The following HADHB variants were observed in gnomAD, a reference collection of about 807,000 sequenced individuals.
HADHB encodes trifunctional enzyme subunit beta, mitochondrial.
In HADHB, 50 loss-of-function variants were observed where a neutral mutation model predicts 61.9. The observed-to-expected ratio is 0.81, with a 90% CI of 0.64 to 1.02. HADHB has a LOEUF of 1.02. Among genes scored for constraint, HADHB ranks in the 50% least tolerant of loss-of-function variants. HADHB has a pLI of 0.00. For synonymous variants in HADHB, 191 were observed against 201.6 expected, an observed-to-expected ratio of 0.95 and a Z score of 0.45; for missense variants, 504 against 586.5, an observed-to-expected ratio of 0.86 and a Z score of 1.45.
At chr2:26,289,387 CA>C (rs1448604915) in intron 15 of HADHB, among the ~76,000 whole-genome samples, 1 of 152,204 alleles carries the variant, frequency 6.6e-6, no homozygotes, top group African/African-American at 2.4e-5. Context: ...GACCTGGTTT[CA>C]AATCCTGGCC....
At chr2:26,248,284 T>C (rs937807424) in intron 1 of HADHB, among the ~76,000 whole-genome samples, 3 of 152,238 alleles carry the variant, frequency 2.0e-5, no homozygotes, top group Middle Eastern at 6.3e-3. Context: ...ATGGTGTGTT[T>C]ATACTATAAC....
intron 3 of HADHB, among the ~76,000 whole-genome samples, chr2:26,260,006 C>T (rs1389302654): frequency 6.6e-6 from 1 of 151,080 alleles, no homozygotes; most frequent in Non-Finnish European, 1.5e-5. Context: ...GTAAAACAAG[C>T]TATTTGTTAG....
At chr2:26,261,742 T>G (rs1425532694) in intron 3 of HADHB, 3 of 151,966 alleles carry the variant, frequency 2.0e-5, no homozygotes, top group African/African-American at 7.3e-5. Flanking sequence ...GCCACAGCAC[T>G]CCAGCCTTGG....
chr2:26,277,233 CTTTTT>C (rs34696184), intron 7 of HADHB, 73 bp downstream of exon 7: 1,272 of 436,904 alleles, frequency 2.9e-3, no homozygotes, highest in Middle Eastern at 4.2e-3. Flanking sequence ...TAAAAATGTA[CTTTTT>C]TTTTTTTTTT....
intron 3 of HADHB, among the ~76,000 whole-genome samples, chr2:26,262,128 C>T (rs1397579582): frequency 1.3e-5 from 2 of 152,110 alleles, no homozygotes; most frequent in Non-Finnish European, 2.9e-5. Flanking sequence ...ACTAATATTT[C>T]TTTAAAGTTG....
chr2:26,266,705 C>A (rs968694791), intron 4 of HADHB, among the ~76,000 whole-genome samples: 1 of 150,918 alleles, frequency 6.6e-6, no homozygotes, highest in East Asian at 1.9e-4. Context: ...CATGGCGAGA[C>A]CCTATCTCTA....
At chr2:26,256,714 A>G (rs535882219) in intron 3 of HADHB, among the ~76,000 whole-genome samples, 1 of 152,148 alleles carries the variant, frequency 6.6e-6, no homozygotes. Flanking sequence ...AATATTTGCA[A>G]ATAAGAAAAT....
At chr2:26,273,589 G>A in intron 5 of HADHB, 62 bp from the exon 6 acceptor site, 1 of 888,682 alleles carries the variant, frequency 1.1e-6, no homozygotes, top group Non-Finnish European at 1.9e-6. Context: ...TGTTTTGTGT[G>A]ATGATCTCTG....
intron 10 of HADHB, 23 bp from the exon 11 acceptor site, chr2:26,282,822 C>T (rs748049793): frequency 4.5e-6 from 7 of 1,572,086 alleles, no homozygotes; most frequent in African/African-American, 2.7e-5. Context: ...AGAATTTTAA[C>T]ATTGTGCTGG....
At position 26,290,056 on chromosome 2, in the gene HADHB, AG is replaced by A; in HGVS notation, c.*105del. 1 of 840,740 alleles carries A rather than the reference AG, an allele frequency of 1.2e-6. No homozygotes were observed. The allele number at this position is 840,740 out of a possible 1,614,324, so 52.1% of individuals were successfully genotyped here. A position where few individuals can be genotyped will look rare whatever the true frequency, so the allele number is the denominator to read the frequency against. On this transcript the variant is annotated 3_prime_UTR_variant, in exon 16 of 16. Coordinates refer to ENST00000317799, the MANE Select transcript of HADHB (RefSeq NM_000183.3). ...ACATTTGTAGTTCCTAGCTCCTCTTAGGAAAACAGTTCTTGTGGCCTTCTAT... is the reference window on the plus strand; with the variant it reads ...ACATTTGTAGTTCCTAGCTCCTCTTAGAAAACAGTTCTTGTGGCCTTCTAT...
intron 15 of HADHB, among the ~76,000 whole-genome samples, chr2:26,289,682 T>C (rs1363718982): frequency 1.3e-5 from 2 of 152,158 alleles, no homozygotes; most frequent in Non-Finnish European, 2.9e-5. Flanking sequence ...TATACAAATA[T>C]ACTGTATGTT....
At chr2:26,285,965 C>T (rs7557946) in intron 15 of HADHB, among the ~76,000 whole-genome samples, 2 of 151,508 alleles carry the variant, frequency 1.3e-5, no homozygotes, top group African/African-American at 2.4e-5. Context: ...CTCGAATTGC[C>T]GACTTCAAGT....
chr2:26,246,448 T>G (rs1053796642), intron 1 of HADHB, among the ~76,000 whole-genome samples: 71 of 152,058 alleles, frequency 4.7e-4, no homozygotes, highest in African/African-American at 1.6e-3. Flanking sequence ...CAAGTGATTC[T>G]CCTGCCTCAG....
At chr2:26,260,999 A>C in intron 3 of HADHB, 1 of 1,515,100 alleles carries the variant, frequency 6.6e-7, no homozygotes, top group Middle Eastern at 1.7e-4. Context: ...TCTGACCAAC[A>C]CAGTTGATCA....
intron 3 of HADHB, chr2:26,261,448 C>T (rs1671862453): frequency 6.0e-6 from 1 of 166,546 alleles, no homozygotes; most frequent in Admixed American, 5.9e-5. Context: ...ACATATCCAC[C>T]TGGTTGTCTC....
chr2:26,266,694 A>G (rs1275053787), intron 4 of HADHB, among the ~76,000 whole-genome samples: 1 of 151,666 alleles, frequency 6.6e-6, no homozygotes, highest in Non-Finnish European at 1.5e-5. Context: ...AGCCTGGCCA[A>G]CATGGCGAGA....
intron 15 of HADHB, among the ~76,000 whole-genome samples, chr2:26,289,392 C>T (rs1172427860): frequency 2.0e-5 from 3 of 152,186 alleles, no homozygotes; most frequent in Non-Finnish European, 2.9e-5. Flanking sequence ...GGTTTCAAAT[C>T]CTGGCCCTGT....
At chr2:26,251,794 T>C (rs1435516497) in intron 1 of HADHB, among the ~76,000 whole-genome samples, 1 of 152,244 alleles carries the variant, frequency 6.6e-6, no homozygotes, top group Non-Finnish European at 1.5e-5. Flanking sequence ...AGGACCTCCT[T>C]CTTTTAGTCT....
chr2:26,254,014 T>C (rs1245763998), intron 1 of HADHB, among the ~76,000 whole-genome samples: 1 of 152,178 alleles, frequency 6.6e-6, no homozygotes, highest in African/African-American at 2.4e-5. Context: ...ATGCCTCCTT[T>C]GTAGGTCATT....
Sources: gnomAD v4.1 joint callset for allele counts (sites outside exome capture counted in the v4.1 genomes callset) on GRCh38, gnomAD v4.1.1 for gene constraint, MANE v1.5 for transcripts, NCBI Gene and HGNC (gene_info 2026-07-23, HGNC 2026-07-21) for gene names.